The following PHTF2 variants were observed in gnomAD, a reference collection of about 807,000 sequenced individuals.
The protein encoded by PHTF2 is protein PHTF2.
PHTF2 carries 60 observed loss-of-function variants against 101.2 expected under a neutral mutation model. The ratio of observed to expected loss-of-function variants is 0.59; its 90% confidence interval spans 0.48 to 0.73. The LOEUF (loss-of-function observed/expected upper bound fraction) is 0.73, where lower values mean the gene tolerates loss of function less well. Among genes scored for constraint, PHTF2 ranks in the 30% least tolerant of loss-of-function variants. The pLI is 0.00. For synonymous variants in PHTF2, 311 were observed against 307.3 expected, an observed-to-expected ratio of 1.01 and a Z score of -0.13; for missense variants, 747 against 908.7, an observed-to-expected ratio of 0.82 and a Z score of 2.29.
chr7:77,950,388 C>T (rs1286479946), intron 17 of PHTF2, among the ~76,000 whole-genome samples: 5 of 152,006 alleles, frequency 3.3e-5, no homozygotes, highest in Admixed American at 1.3e-4. Context: ...CCGCCAGGCA[C>T]GGTGGCTCAT....
At chr7:77,952,004 A>G (rs1181889578) in intron 18 of PHTF2, among the ~76,000 whole-genome samples, 1 of 152,132 alleles carries the variant, frequency 6.6e-6, no homozygotes, top group East Asian at 1.9e-4. Context: ...ATAGATATCA[A>G]AAAAGAAAAT....
chr7:77,805,589 T>C (rs1584343027), intron 1 of PHTF2, among the ~76,000 whole-genome samples: 1 of 152,326 alleles, frequency 6.6e-6, no homozygotes, highest in African/African-American at 2.4e-5. Context: ...ATCTCACGAA[T>C]TTTGATATGT....
At chr7:77,900,868 T>C in intron 6 of PHTF2, 88 bp downstream of exon 5, 1 of 716,474 alleles carries the variant, frequency 1.4e-6, no homozygotes, top group Non-Finnish European at 2.5e-6. Context: ...TGTATTAGGC[T>C]GTTTTGCATT....
At chr7:77,881,291 A>T (rs1017444019) in intron 3 of PHTF2, among the ~76,000 whole-genome samples, 2 of 152,070 alleles carry the variant, frequency 1.3e-5, no homozygotes, top group Non-Finnish European at 2.9e-5. Flanking sequence ...AATTTTTGTA[A>T]GTCTCATTAC....
chr7:77,933,718 T>TG (rs1804827076), intron 12 of PHTF2, among the ~76,000 whole-genome samples: 1 of 151,610 alleles, frequency 6.6e-6, no homozygotes, highest in African/African-American at 2.4e-5. Flanking sequence ...TGTGTTTTTT[T>TG]TTTTTTTTTT....
intron 16 of PHTF2, among the ~76,000 whole-genome samples, chr7:77,945,863 A>T (rs1279390374): frequency 6.6e-6 from 1 of 152,204 alleles, no homozygotes; most frequent in East Asian, 1.9e-4. Context: ...AATCCTCCAT[A>T]CCCGTATGGT....
intron 1 of PHTF2, among the ~76,000 whole-genome samples, chr7:77,817,966 C>T (rs374147188): frequency 1.3e-5 from 2 of 151,814 alleles, no homozygotes; most frequent in Non-Finnish European, 2.9e-5. Flanking sequence ...AAAAATTAGC[C>T]GGGCATGGTG....
At position 77,862,044 on chromosome 7, in the gene PHTF2, C is replaced by T. The variant is rs562630999; in HGVS notation, c.147+7210C>T. Among the ~76,000 whole-genome samples, 85 of 142,660 alleles carry T rather than the reference C, an allele frequency of 6.0e-4. No individual in the cohort carries two copies. The South Asian group carries it at 0.015, about 26-fold the overall frequency. 93.6% of individuals were successfully genotyped at this position (142,660 alleles called of 152,430 possible). A position where few individuals can be genotyped will look rare whatever the true frequency, so the allele number is the denominator to read the frequency against. On this transcript the variant is annotated intron_variant, in intron 3 of 19. Transcript: ENST00000416283. ...TGCACTCCAGCCTGGGCAACAAGAG[C>T]GAAACTCCATCTCAAAAAAAAAAAA...
At chr7:77,810,850 A>G (rs900561083) in intron 1 of PHTF2, among the ~76,000 whole-genome samples, 2 of 151,744 alleles carry the variant, frequency 1.3e-5, no homozygotes, top group Admixed American at 6.6e-5. Context: ...ATGACCTTCA[A>G]TTTGAGATTG....
At chr7:77,863,352 T>C (rs537356035) in intron 3 of PHTF2, among the ~76,000 whole-genome samples, 12 of 152,330 alleles carry the variant, frequency 7.9e-5, no homozygotes, top group African/African-American at 2.4e-4. Context: ...ATCAGAGGAA[T>C]GACGTCTTAT....
chr7:77,921,133 A>G (rs1211894429), intron 10 of PHTF2, among the ~76,000 whole-genome samples: 1 of 152,194 alleles, frequency 6.6e-6, no homozygotes, highest in Non-Finnish European at 1.5e-5. Context: ...TTTTCCATTC[A>G]TGTTCTCTAT....
chr7:77,852,982 T>C (rs1218067794), intron 2 of PHTF2, among the ~76,000 whole-genome samples: 1 of 152,216 alleles, frequency 6.6e-6, no homozygotes, highest in Non-Finnish European at 1.5e-5. Context: ...GTTGTTTCTT[T>C]TCTTTTGCCA....
chr7:77,933,792 G>A (rs1010620394), intron 12 of PHTF2, among the ~76,000 whole-genome samples: 2 of 146,724 alleles, frequency 1.4e-5, no homozygotes, highest in Non-Finnish European at 1.5e-5. Context: ...TTGAATGCCT[G>A]AAACAAAATT....
chr7:77,870,106 A>G (rs1175820010), intron 3 of PHTF2, among the ~76,000 whole-genome samples: 1 of 151,498 alleles, frequency 6.6e-6, no homozygotes, highest in Non-Finnish European at 1.5e-5. Flanking sequence ...CCATTTGTCT[A>G]TTTTTGCTTT....
intron 2 of PHTF2, among the ~76,000 whole-genome samples, chr7:77,849,883 C>A (rs1796600358): frequency 6.6e-6 from 1 of 152,240 alleles, no homozygotes; most frequent in Middle Eastern, 3.4e-3. Context: ...TGAATTTGTT[C>A]ATCAGTTGTA....
intron 2 of PHTF2, among the ~76,000 whole-genome samples, chr7:77,849,834 T>C (rs1430830871): frequency 1.3e-5 from 2 of 152,236 alleles, no homozygotes; most frequent in Non-Finnish European, 2.9e-5. Flanking sequence ...ATAGAAATGC[T>C]ACTGATTTTT....
In PHTF2 at chr7:77,809,224, G is replaced by GTTTTTTTTTTTTTTTTTT. The variant is rs34141515; in HGVS notation, c.-36+10256_-36+10273dup. Among the ~76,000 whole-genome samples the GTTTTTTTTTTTTTTTTTT allele has an allele frequency of 3.2e-4, 32 of 98,490 alleles. 1 individual carries two copies. Among genetic ancestry groups the GTTTTTTTTTTTTTTTTTT allele is most frequent in the Non-Finnish European group, 4.4e-4 (23 of 51,704 alleles). The allele number at this position is 98,490 out of a possible 152,430, so 64.6% of individuals were successfully genotyped here. ...TTTTCCTATATAAACCCAGTTCGTTGTTTTTTTTTTTTTTTTTTTTGAGAT... is the reference window on the plus strand; with the variant it reads ...TTTTCCTATATAAACCCAGTTCGTTGTTTTTTTTTTTTTTTTTTTTTTTTTTTTTTTTTTTTTTGAGAT... On this transcript the variant is annotated intron_variant, in intron 1 of 19. Coordinates refer to ENST00000416283, the Ensembl canonical transcript of PHTF2.
At chr7:77,829,474 T>C (rs1794922572) in intron 1 of PHTF2, among the ~76,000 whole-genome samples, 1 of 152,262 alleles carries the variant, frequency 6.6e-6, no homozygotes. Flanking sequence ...GTGGTGTTTA[T>C]TCTTTCAAAT....
At chr7:77,918,396 T>G (rs931454665) in intron 9 of PHTF2, among the ~76,000 whole-genome samples, 1 of 152,216 alleles carries the variant, frequency 6.6e-6, no homozygotes, top group African/African-American at 2.4e-5. Flanking sequence ...ACTGTCTGAT[T>G]AATGGTTCTA....
Sources: gnomAD v4.1 joint callset for allele counts (sites outside exome capture counted in the v4.1 genomes callset) on GRCh38, gnomAD v4.1.1 for gene constraint, MANE v1.5 for transcripts, NCBI Gene and HGNC (gene_info 2026-07-23, HGNC 2026-07-21) for gene names.